Variants in ART1 observed in about 807,000 individuals in gnomAD.
ART1 encodes ADP-ribosyltransferase 1.
ART1 carries 29 observed loss-of-function variants against 27.0 expected under a neutral mutation model. The observed-to-expected ratio is 1.08, with a 90% CI of 0.80 to 1.47. ART1 has a LOEUF of 1.47. ART1 is among the 40% of genes most tolerant of loss of function. The pLI is 0.00. For synonymous variants in ART1, 201 were observed against 172.2 expected (o/e 1.17, Z -1.31); for missense variants, 480 against 423.0 (o/e 1.13, Z -1.18).
chr11:3,661,267 C>G (rs2077618108), intron 3 of ART1, 105 bp from the exon 4 acceptor site: 1 of 1,060,316 alleles, frequency 9.4e-7, no homozygotes, highest in African/African-American at 1.6e-5. Flanking sequence ...GGAAATGCAC[C>G]AACTTCTCCT....
At chr11:3,649,043 C>A (rs975572229) in intron 1 of ART1, among the ~76,000 whole-genome samples, 1 of 151,930 alleles carries the variant, frequency 6.6e-6, no homozygotes, top group African/African-American at 2.4e-5. Flanking sequence ...TCTCTGCGCC[C>A]AAACCCCTTA....
At chr11:3,659,305 C>A in intron 2 of ART1, 29 bp downstream of exon 2, 1 of 1,613,852 alleles carries the variant, frequency 6.2e-7, no homozygotes, top group Non-Finnish European at 8.5e-7. Flanking sequence ...GTTCCCACCC[C>A]AGCAGGGAAC....
In ART1 at chr11:3,661,429, A is replaced by T; in HGVS notation, c.886+16A>T. ...GATAATTCAGGTAAGGGCTGCAGGC[A>T]CCTGTGGGACTCAGTTCAGGGATGA... On this transcript the variant is annotated intron_variant, in intron 4 of 4. Transcript: ENST00000250693. 6.2e-7 allele frequency: 1 copy of T among 1,602,594 alleles called. No individual in the cohort carries two copies. The highest frequency in any genetic ancestry group is 8.5e-7 in the Non-Finnish European group (1 of 1,175,430).
At chr11:3,663,136 C>CATCTCATCT (rs2077636038) in intron 4 of ART1, among the ~76,000 whole-genome samples, 1 of 148,828 alleles carries the variant, frequency 6.7e-6, no homozygotes, top group East Asian at 2.0e-4. Flanking sequence ...CATCTCATCT[C>CATCTCATCT]ATCTCATCAT....
At chr11:3,651,225 C>T (rs113183169) in intron 1 of ART1, among the ~76,000 whole-genome samples, 6,540 of 140,056 alleles carry the variant, frequency 0.047, 649 homozygotes, top group African/African-American at 0.18. Flanking sequence ...CACCCTTCAT[C>T]CCAGCCTCTC....
At chr11:3,650,755 A>G (rs1482562186) in intron 1 of ART1, among the ~76,000 whole-genome samples, 1 of 151,380 alleles carries the variant, frequency 6.6e-6, no homozygotes, top group Non-Finnish European at 1.5e-5. Context: ...GGCTACAGCC[A>G]CACCTCATTG....
chr11:3,649,909 CA>C (rs1308417265), intron 1 of ART1, among the ~76,000 whole-genome samples: 1 of 152,212 alleles, frequency 6.6e-6, no homozygotes, highest in Non-Finnish European at 1.5e-5. Flanking sequence ...CCTAAAATGT[CA>C]AAAGGCCACT....
At chr11:3,648,697 T>C (rs1205116319) in intron 1 of ART1, among the ~76,000 whole-genome samples, 1 of 152,230 alleles carries the variant, frequency 6.6e-6, no homozygotes, top group African/African-American at 2.4e-5. Context: ...CTCTGATTAT[T>C]CACCCACGTT....
chr11:3,653,572 G>C (rs1246809705), intron 1 of ART1, among the ~76,000 whole-genome samples: 1 of 152,106 alleles, frequency 6.6e-6, no homozygotes, highest in East Asian at 1.9e-4. Context: ...CTGCACTCAG[G>C]TGATTAAAAG....
rs185049818 is a variant in ART1, at chr11:3,653,439, C to G, written c.-52-5723C>G. ...GCTCCTCTACTGCGCACCTTGTGACCCCCACTCTGACTGCCAGAGAACAAC... is the reference window on the plus strand; with the variant it reads ...GCTCCTCTACTGCGCACCTTGTGACGCCCACTCTGACTGCCAGAGAACAAC... On this transcript the variant is annotated intron_variant, in intron 1 of 4. Coordinates refer to ENST00000250693, the MANE Select transcript of ART1 (RefSeq NM_004314.3). Among the ~76,000 whole-genome samples the G allele has an allele frequency of 1.3e-4, 20 of 148,382 alleles. No individual in the cohort carries two copies. In the East Asian group the frequency reaches 2.7e-3, roughly 20 times the overall value.
chr11:3,652,262 G>A (rs1237299494), intron 1 of ART1, among the ~76,000 whole-genome samples: 1 of 151,094 alleles, frequency 6.6e-6, no homozygotes, highest in Non-Finnish European at 1.5e-5. Flanking sequence ...GTCTGAGAAG[G>A]CCACCGCAGT....
At chr11:3,657,869 A>G (rs1288414913) in intron 1 of ART1, among the ~76,000 whole-genome samples, 2 of 152,222 alleles carry the variant, frequency 1.3e-5, no homozygotes, top group African/African-American at 4.8e-5. Context: ...CTAAGTGTTC[A>G]TAAGTATGAA....
Position 3,659,782 on chromosome 11 carries a change from A to C in ART1, c.263A>C (p.Glu88Ala), listed in dbSNP as rs369971900. The C allele has an allele frequency of 1.3e-5, 21 of 1,613,450 alleles. No homozygotes were observed. The African/African-American group carries it at 2.0e-4, about 15-fold the overall frequency. Reference protein sequence around the residue: ...SWTLASSQWQERQARWPEWSL... With the variant: ...SWTLASSQWQARQARWPEWSL... ...ACACTGGCAAGCAGCCAATGGCAGG[A>C]GCGTCAGGCCAGGTGGCCAGAGTGG... The change falls in exon 3 of 5, where the codon GAG becomes GCG. Residue 88 changes from glutamate to alanine, a missense_variant. Glu to Ala is a moderately radical substitution (Grantham distance 107). Transcript: ENST00000250693.
rs1464268512 is a variant in ART1, at chr11:3,651,319, C to A, written c.-53+6140C>A. On this transcript the variant is annotated intron_variant, in intron 1 of 4. Transcript: ENST00000250693. ...TACTGCCGCAAGGCTTCACAGACAG[C>A]CCCCATTACTTCAGTCAAGCCCAAA... Among the ~76,000 whole-genome samples the A allele has an allele frequency of 2.2e-3, 337 of 150,810 alleles. 1 individual carries two copies. The highest frequency in any genetic ancestry group is 0.017 in the Middle Eastern group (5 of 286).
intron 1 of ART1, among the ~76,000 whole-genome samples, chr11:3,653,773 G>C (rs1483489520): frequency 1.3e-5 from 2 of 151,526 alleles, no homozygotes; most frequent in Admixed American, 6.6e-5. Context: ...ATCAAGTCTT[G>C]TAAATTCCAC....
intron 1 of ART1, among the ~76,000 whole-genome samples, chr11:3,658,332 C>T (rs1419448803): frequency 2.3e-5 from 3 of 132,902 alleles, no homozygotes; most frequent in African/African-American, 3.1e-5. Context: ...GACTTGGTCT[C>T]GGAAAAAAAA....
At chr11:3,647,965 C>T (rs145518142) in intron 1 of ART1, among the ~76,000 whole-genome samples, 1,633 of 152,040 alleles carry the variant, frequency 0.011, 20 homozygotes, top group African/African-American at 0.031. Flanking sequence ...GCCTCTGAGC[C>T]GAAGCTAAGC....
intron 1 of ART1, among the ~76,000 whole-genome samples, chr11:3,653,507 A>G (rs1484091659): frequency 6.6e-6 from 1 of 151,134 alleles, no homozygotes; most frequent in Non-Finnish European, 1.5e-5. Flanking sequence ...CAAATCCTAT[A>G]AAACGGACCC....
At chr11:3,659,086 A>G in intron 1 of ART1, 76 bp from the exon 2 acceptor site, 2 of 866,910 alleles carry the variant, frequency 2.3e-6, no homozygotes, top group Non-Finnish European at 3.7e-6. Flanking sequence ...TCTCAGTGCC[A>G]AGCACTAGGA....
Sources: gnomAD v4.1 joint callset for allele counts (sites outside exome capture counted in the v4.1 genomes callset) on GRCh38, gnomAD v4.1.1 for gene constraint, MANE v1.5 for transcripts, NCBI Gene and HGNC (gene_info 2026-07-23, HGNC 2026-07-21) for gene names.